The following KIF1B variants were observed in gnomAD, a reference collection of about 807,000 sequenced individuals.
KIF1B encodes the protein kinesin-like protein KIF1B.
Under a neutral mutation model 241.9 loss-of-function variants are expected in KIF1B, and 76 were observed. The observed-to-expected ratio is 0.31, with a 90% confidence interval of 0.26 to 0.38. The LOEUF (loss-of-function observed/expected upper bound fraction) is 0.38. Ranked by LOEUF, KIF1B falls within the 10% of genes least tolerant of loss-of-function variation. KIF1B has a pLI of 1.00. For synonymous variants in KIF1B, 750 were observed against 796.7 expected, an observed-to-expected ratio of 0.94 and a Z score of 0.99; for missense variants, 1,622 against 2,271.4, an observed-to-expected ratio of 0.71 and a Z score of 5.81.
intron 41 of KIF1B, among the ~76,000 whole-genome samples, chr1:10,364,608 A>C (rs1638513479): frequency 6.6e-6 from 1 of 152,198 alleles, no homozygotes; most frequent in Non-Finnish European, 1.5e-5. Flanking sequence ...CATAATTATC[A>C]AAGAATGTAA....
Position 10,365,801 on chromosome 1 carries a change from C to A in KIF1B, c.4752+153C>A, listed in dbSNP as rs529998172. ...AATAAAAAGACGCAGTTCCTACCCT[C>A]AACAAGCTTACAGGGCCAGGCACAG... On this transcript the variant is annotated intron_variant, in intron 43 of 48. Coordinates refer to ENST00000676179, the MANE Select transcript of KIF1B (RefSeq NM_001365951.3). This position sits in a 1 kb window ranked among gnomAD's most constrained non-coding sequence, Gnocchi z 4.0. Among the ~76,000 whole-genome samples, 3 of 152,298 alleles carry A rather than the reference C, an allele frequency of 2.0e-5. No individual in the cohort carries two copies. The South Asian group carries it at 6.2e-4, about 32-fold the overall frequency.
chr1:10,356,464 A>T (rs146618547), intron 38 of KIF1B, among the ~76,000 whole-genome samples: 3 of 152,242 alleles, frequency 2.0e-5, no homozygotes, highest in East Asian at 3.9e-4. Flanking sequence ...CATTTCAGAG[A>T]TTCTCCTAAT....
intron 1 of KIF1B, among the ~76,000 whole-genome samples, chr1:10,215,172 A>ATTTTTT (rs1166683802): frequency 1.8e-4 from 8 of 45,362 alleles, no homozygotes; most frequent in Non-Finnish European, 2.2e-4. Flanking sequence ...ATATATATAT[A>ATTTTTT]TTTTTTTTTT....
chr1:10,376,083 G>A (rs768938192), intron 48 of KIF1B, among the ~76,000 whole-genome samples: 10 of 151,926 alleles, frequency 6.6e-5, no homozygotes, highest in African/African-American at 2.4e-4. Flanking sequence ...GATTACAAGC[G>A]TGAGCCACCA....
chr1:10,260,861 C>T (rs1379702087), intron 4 of KIF1B, among the ~76,000 whole-genome samples: 1 of 147,444 alleles, frequency 6.8e-6, no homozygotes, highest in African/African-American at 2.5e-5. Flanking sequence ...GAGTGAAACT[C>T]GGTCTCAAAA....
intron 1 of KIF1B, among the ~76,000 whole-genome samples, chr1:10,222,853 A>T (rs1165347016): frequency 3.0e-4 from 45 of 152,348 alleles, no homozygotes; most frequent in Non-Finnish European, 5.3e-4. Context: ...AGTGATTTAG[A>T]GTATGTATGG....
intron 18 of KIF1B, 47 bp downstream of exon 18, chr1:10,295,212 T>A (rs1650202379): frequency 8.9e-7 from 1 of 1,122,520 alleles, no homozygotes; most frequent in Admixed American, 1.7e-5. Context: ...TTCCCCCTCT[T>A]AGATAATTGA....
At chr1:10,276,427 A>G (rs752103457) in intron 12 of KIF1B, 28 bp downstream of exon 12, 3 of 1,525,130 alleles carry the variant, frequency 2.0e-6, no homozygotes, top group Non-Finnish European at 2.7e-6. Context: ...CAGTAACAAC[A>G]TAGACCACAT....
intron 22 of KIF1B, among the ~76,000 whole-genome samples, chr1:10,312,352 C>A (rs762517388): frequency 2.6e-5 from 4 of 151,506 alleles, no homozygotes; most frequent in African/African-American, 4.9e-5. Context: ...CTGGTCCAAG[C>A]CACCACAGTG....
chr1:10,360,054 AAT>A (rs1218770553), intron 38 of KIF1B, among the ~76,000 whole-genome samples: 1 of 151,812 alleles, frequency 6.6e-6, no homozygotes, highest in African/African-American at 2.4e-5. Context: ...AAAATAAAAA[AAT>A]AATAAAATAA....
chr1:10,354,178 CA>C (rs1193650770), intron 38 of KIF1B, among the ~76,000 whole-genome samples: 1 of 152,042 alleles, frequency 6.6e-6, no homozygotes, highest in East Asian at 1.9e-4. Flanking sequence ...ATGAGTTCAT[CA>C]AAAAAGGCTG....
chr1:10,336,816 T>G, intron 29 of KIF1B, 74 bp downstream of exon 29: 12 of 1,387,930 alleles, frequency 8.6e-6, no homozygotes, highest in Non-Finnish European at 3.1e-6. Context: ...TCAGTTCTCC[T>G]GTAAAACTGA....
chr1:10,340,647 C>T (rs1414922458), intron 32 of KIF1B, among the ~76,000 whole-genome samples: 1 of 152,100 alleles, frequency 6.6e-6, no homozygotes, highest in East Asian at 1.9e-4. Context: ...AGTTTGTGAC[C>T]AGCCTGGCCA....
Position 10,275,435 on chromosome 1 carries a change from A to C in KIF1B, c.890A>C (p.Lys297Thr). 1.3e-6 allele frequency: 2 copies of C among 1,566,382 alleles called. No homozygotes were observed. Residue 297 changes from lysine to threonine, a missense_variant, in exon 11 of 49, where the codon AAG (lysine) becomes ACG (threonine). Physicochemically the swap from Lys to Thr is moderately conservative, Grantham distance 78. Coordinates refer to ENST00000676179, the MANE Select transcript of KIF1B (RefSeq NM_001365951.3). ...EVDNCTSKSK[K>T]KKKTDFIPYR... is the part of the protein sequence containing the mutation. ...TTTCTTTTCCTTTAATAGAGTAAAA[A>C]GAAGAAGAAAACAGATTTTATTCCC... is the stretch of plus-strand genomic sequence containing the variant.
intron 26 of KIF1B, 140 bp from the exon 27 acceptor site, chr1:10,325,971 T>C: frequency 8.6e-7 from 1 of 1,162,438 alleles, no homozygotes; most frequent in Non-Finnish European, 1.3e-6. Context: ...TTATGCTTAT[T>C]TTATCCTTTT....
rs550897116 is a variant in KIF1B, at chr1:10,279,899, C to T, written c.1222+761C>T. On this transcript the variant is annotated intron_variant, in intron 14 of 48. Coordinates refer to ENST00000676179, the MANE Select transcript of KIF1B (RefSeq NM_001365951.3). ...TTTTATTTGTAGAGGTGAGGGGTCT[C>T]GCTGTGTTTCCCAGGCTGGTCTGGA... 6.7e-4 allele frequency among the ~76,000 whole-genome samples: 102 copies of T among 151,988 alleles called. 2 individuals carry two copies. The Middle Eastern group carries it at 0.01, about 15-fold the overall frequency.
intron 4 of KIF1B, among the ~76,000 whole-genome samples, chr1:10,259,540 T>C (rs1647999636): frequency 6.6e-6 from 1 of 151,400 alleles, no homozygotes; most frequent in Admixed American, 6.6e-5. Context: ...TCTCTCTCTG[T>C]TGCCCAGGCT....
chr1:10,370,504 C>A (rs552358816), intron 44 of KIF1B, among the ~76,000 whole-genome samples: 1 of 151,870 alleles, frequency 6.6e-6, no homozygotes, highest in South Asian at 2.1e-4. Context: ...GCTGAGGCTA[C>A]AGTGAGCCAA....
rs1458173640 is a variant in KIF1B, at chr1:10,339,122, CTG to C, written c.3423-644_3423-643del. 5.5e-4 allele frequency among the ~76,000 whole-genome samples: 84 copies of C among 152,226 alleles called. 1 individual carries two copies. The highest frequency in any genetic ancestry group is 5.4e-3 in the Admixed American group (83 of 15,296). ...AGAGAGAACGATAACATCTCACTAT[CTG>C]TGAAAATAACTAAATATAGCCCATT... On this transcript the variant is annotated intron_variant, in intron 31 of 48. Transcript: ENST00000676179.
Sources: allele counts gnomAD v4.1 joint callset (sites outside exome capture counted in the v4.1 genomes callset), GRCh38; gene constraint gnomAD v4.1.1; non-coding constraint Gnocchi (gnomAD v3.1); transcripts MANE v1.5; gene names NCBI Gene and HGNC (gene_info 2026-07-23, HGNC 2026-07-21).